The following OR1J2 variants were observed in gnomAD, a reference collection of about 807,000 sequenced individuals.
OR1J2 encodes the protein olfactory receptor 1J2.
For synonymous variants in OR1J2, 142 were observed against 99.7 expected (o/e 1.42, Z -2.52); for missense variants, 304 against 246.1 (o/e 1.24, Z -1.57).
At chr9:122,498,648 G>A in the OR1J2 span, among the ~76,000 whole-genome samples, 2 of 152,092 alleles carry the variant, frequency 1.3e-5, no homozygotes. Context: ...ATTTTGGCTA[G>A]GGACCTCTGC....
chr9:122,480,502 A>G, the OR1J2 span, among the ~76,000 whole-genome samples: 101 of 151,878 alleles, frequency 6.7e-4, no homozygotes, highest in African/African-American at 2.1e-3. Context: ...TTACGTAGGT[A>G]AACTTGTGTC....
chr9:122,448,556 C>T, the OR1J2 span, among the ~76,000 whole-genome samples: 2 of 152,154 alleles, frequency 1.3e-5, no homozygotes, highest in Non-Finnish European at 2.9e-5. Context: ...CCCAAGAGGC[C>T]ATATCCAGGC....
chr9:122,487,458 A>AACACACACAC, the OR1J2 span, among the ~76,000 whole-genome samples: 2,343 of 149,054 alleles, frequency 0.016, 32 homozygotes, highest in East Asian at 0.04. Flanking sequence ...GGAGATGATT[A>AACACACACAC]ACACACACAC....
the OR1J2 span, among the ~76,000 whole-genome samples, chr9:122,503,795 C>T: frequency 1.3e-5 from 2 of 152,184 alleles, no homozygotes. Flanking sequence ...AGGCCATTTA[C>T]ACAAGATATG....
the OR1J2 span, among the ~76,000 whole-genome samples, chr9:122,483,866 A>G: frequency 6.6e-6 from 1 of 152,242 alleles, no homozygotes; most frequent in Admixed American, 6.5e-5. Context: ...TCTCTAAAAA[A>G]TGTTATTAGT....
downstream of OR1J2, among the ~76,000 whole-genome samples, chr9:122,513,188 T>C (rs114247601): frequency 3.2e-3 from 495 of 152,358 alleles, 2 homozygotes; most frequent in African/African-American, 0.011. Context: ...TTATATCCAC[T>C]CTTTTTGTCA....
chr9:122,497,127 C>G, the OR1J2 span, among the ~76,000 whole-genome samples: 1 of 152,184 alleles, frequency 6.6e-6, no homozygotes, highest in African/African-American at 2.4e-5. Flanking sequence ...CACAAGCCTT[C>G]CTGTTGAGAA....
At chr9:122,540,131 T>G in the OR1J2 span, among the ~76,000 whole-genome samples, 5 of 151,882 alleles carry the variant, frequency 3.3e-5, no homozygotes, top group Admixed American at 3.3e-4. Context: ...TAGATCCCAT[T>G]TGTCAATTTT....
chr9:122,535,421 TGACAGGCACCG>T, the OR1J2 span, among the ~76,000 whole-genome samples: 5 of 152,128 alleles, frequency 3.3e-5, no homozygotes, highest in Non-Finnish European at 7.4e-5. Flanking sequence ...CCCTAGTCTG[TGACAGGCACCG>T]GAGTTTTGGG....
the OR1J2 span, among the ~76,000 whole-genome samples, chr9:122,531,605 A>G: frequency 6.6e-6 from 1 of 152,194 alleles, no homozygotes; most frequent in African/African-American, 2.4e-5. Context: ...AAGTGGTAAA[A>G]GTATTGTCCA....
At chr9:122,454,826 GCA>G in the OR1J2 span, among the ~76,000 whole-genome samples, 1 of 152,308 alleles carries the variant, frequency 6.6e-6, no homozygotes, top group East Asian at 1.9e-4. Flanking sequence ...TTAGGAATAT[GCA>G]CAGTCAAGTT....
chr9:122,553,918 G>A, the OR1J2 span: 1 of 1,613,896 alleles, frequency 6.2e-7, no homozygotes, highest in Non-Finnish European at 8.5e-7. Flanking sequence ...TCTCCTGGAG[G>A]GAGATGGAAG....
downstream of OR1J2, among the ~76,000 whole-genome samples, chr9:122,512,118 C>G (rs895048109): frequency 6.6e-6 from 1 of 152,192 alleles, no homozygotes; most frequent in East Asian, 1.9e-4. Flanking sequence ...TATTATTTTA[C>G]TATTCTCTCT....
the OR1J2 span, among the ~76,000 whole-genome samples, chr9:122,453,227 T>C: frequency 1.3e-5 from 2 of 152,080 alleles, no homozygotes; most frequent in African/African-American, 4.8e-5. Context: ...AAACCTCTTT[T>C]CTTTATAAAT....
chr9:122,509,509 A>C (rs1290649931), upstream of OR1J2, among the ~76,000 whole-genome samples: 1 of 152,216 alleles, frequency 6.6e-6, no homozygotes, highest in African/African-American at 2.4e-5. Flanking sequence ...AGCGTAAATA[A>C]ATTTCCCTAA....
chr9:122,566,389 CT>C, the OR1J2 span, among the ~76,000 whole-genome samples: 2 of 152,220 alleles, frequency 1.3e-5, no homozygotes, highest in African/African-American at 2.4e-5. Context: ...ATGTTTCCCC[CT>C]GCCCTTCCAT....
chr9:122,562,910 C>T, the OR1J2 span, among the ~76,000 whole-genome samples: 12 of 152,180 alleles, frequency 7.9e-5, no homozygotes, highest in Admixed American at 6.5e-4. Flanking sequence ...TAAAAAAATC[C>T]GTGTATCCAC....
the OR1J2 span, among the ~76,000 whole-genome samples, chr9:122,559,496 C>T: frequency 6.6e-6 from 1 of 152,040 alleles, no homozygotes; most frequent in Non-Finnish European, 1.5e-5. Context: ...ACTGCTTTAG[C>T]TGTGTCCCAG....
chr9:122,533,564 C>A, the OR1J2 span, among the ~76,000 whole-genome samples: 1 of 151,796 alleles, frequency 6.6e-6, no homozygotes, highest in Non-Finnish European at 1.5e-5. Flanking sequence ...GGCTGTAGCC[C>A]AGGTGTAGTC....
Sources: gnomAD v4.1 joint callset for allele counts (sites outside exome capture counted in the v4.1 genomes callset) on GRCh38, gnomAD v4.1.1 for gene constraint, MANE v1.5 for transcripts, NCBI Gene and HGNC (gene_info 2026-07-23, HGNC 2026-07-21) for gene names.